The following PDE8B variants were observed in gnomAD, a reference collection of about 807,000 sequenced individuals.
The protein encoded by PDE8B is phosphodiesterase 8B, also known as high affinity cAMP-specific and IBMX-insensitive 3',5'-cyclic phosphodiesterase 8B.
PDE8B carries 26 observed loss-of-function variants against 101.3 expected under a neutral mutation model. That is an observed-to-expected ratio of 0.26 (90% CI 0.19 to 0.36). The LOEUF (loss-of-function observed/expected upper bound fraction) is 0.36. PDE8B is among the 10% of genes least tolerant of loss of function. The probability of loss-of-function intolerance (pLI) is 1.00; values close to 1 mark genes in which losing one functional copy is unlikely to be tolerated. For missense variants in PDE8B, 810 were observed against 1,163.1 expected (o/e 0.70, Z 4.42); for synonymous variants, 424 against 429.3 (o/e 0.99, Z 0.15).
chr5:77,165,822 A>G, the PDE8B span, among the ~76,000 whole-genome samples: 1 of 152,082 alleles, frequency 6.6e-6, no homozygotes, highest in African/African-American at 2.4e-5. Flanking sequence ...CCTGGCCAAC[A>G]TGGCAAAATC....
the PDE8B span, among the ~76,000 whole-genome samples, chr5:77,163,491 T>C: frequency 6.6e-6 from 1 of 152,224 alleles, no homozygotes; most frequent in Non-Finnish European, 1.5e-5. Context: ...TGAAAATCCT[T>C]TGGTGATAGT....
chr5:77,422,015 A>G (rs1222154911), intron 20 of PDE8B, 27 bp downstream of exon 20: 1 of 1,605,236 alleles, frequency 6.2e-7, no homozygotes, highest in Admixed American at 1.7e-5. Flanking sequence ...GGGAAGCTCC[A>G]CTTCCCCTCT....
the PDE8B span, among the ~76,000 whole-genome samples, chr5:77,197,291 T>G: frequency 6.6e-6 from 1 of 151,494 alleles, no homozygotes; most frequent in Non-Finnish European, 1.5e-5. Context: ...TAAATTTTTT[T>G]TTTTTAGTAG....
chr5:77,222,637 C>G (rs537982456), intron 1 of PDE8B, among the ~76,000 whole-genome samples: 10 of 152,250 alleles, frequency 6.6e-5, no homozygotes, highest in Admixed American at 3.3e-4. Flanking sequence ...ATTGTTTGTG[C>G]CCTATATTGT....
chr5:77,130,073 A>G, the PDE8B span, among the ~76,000 whole-genome samples: 1 of 152,172 alleles, frequency 6.6e-6, no homozygotes, highest in Non-Finnish European at 1.5e-5. Context: ...TGCTGATCAG[A>G]ACCTATATAG....
intron 10 of PDE8B, among the ~76,000 whole-genome samples, chr5:77,367,267 T>C (rs1301582205): frequency 1.3e-5 from 2 of 152,146 alleles, no homozygotes; most frequent in East Asian, 1.9e-4. Flanking sequence ...TCACAGCTGC[T>C]GAAGGTGAGC....
At chr5:77,145,607 A>C in the PDE8B span, 1 of 152,204 alleles carries the variant, frequency 6.6e-6, no homozygotes, top group Non-Finnish European at 1.5e-5. Flanking sequence ...TAATTGAGTT[A>C]TCTTTCAACC....
chr5:77,409,103 C>T (rs1292521377), intron 14 of PDE8B, 46 bp downstream of exon 14: 1 of 1,533,000 alleles, frequency 6.5e-7, no homozygotes. Context: ...GTATCCGGGG[C>T]CTCTAGAGTG....
intron 10 of PDE8B, among the ~76,000 whole-genome samples, chr5:77,367,618 A>C (rs1784388493): frequency 7.2e-6 from 1 of 139,036 alleles, no homozygotes; most frequent in African/African-American, 2.7e-5. Context: ...GCAACCTCCG[A>C]CTCCCGGGTT....
chr5:77,348,835 A>T (rs926458777), intron 7 of PDE8B, among the ~76,000 whole-genome samples: 5 of 152,076 alleles, frequency 3.3e-5, no homozygotes, highest in African/African-American at 1.2e-4. Flanking sequence ...GGTGTGTGCC[A>T]CAACAACTGG....
rs964452725 is a variant in PDE8B at position 77,347,600 on chromosome 5, C to T, written c.877-1819C>T. On this transcript the variant is annotated intron_variant, in intron 7 of 21. Transcript: ENST00000264917. The stretch of plus-strand genomic sequence containing the variant: ...GTATCCAAAGATCAATTCAAAATAG[C>T]CTTTGCCCTTGAGGAGTTGAATGTC... 8.5e-5 allele frequency among the ~76,000 whole-genome samples: 13 copies of T among 152,132 alleles called. No individual in the cohort carries two copies. In the East Asian group the frequency reaches 9.6e-4, roughly 11 times the overall value.
At chr5:77,170,009 G>A in the PDE8B span, among the ~76,000 whole-genome samples, 1 of 152,170 alleles carries the variant, frequency 6.6e-6, no homozygotes. Flanking sequence ...GTGCTGAGGT[G>A]CTATCCTGCA....
chr5:77,215,120 T>C (rs562882781), intron 1 of PDE8B, among the ~76,000 whole-genome samples: 1 of 152,174 alleles, frequency 6.6e-6, no homozygotes, highest in South Asian at 2.1e-4. Context: ...CTAAAAAGTC[T>C]GTAAGTGAGG....
At chr5:77,422,272 C>T (rs868179736) in intron 20 of PDE8B, among the ~76,000 whole-genome samples, 2 of 152,088 alleles carry the variant, frequency 1.3e-5, no homozygotes, top group Non-Finnish European at 2.9e-5. Flanking sequence ...GCACAAAAAC[C>T]GAGAAATCTT....
the PDE8B span, among the ~76,000 whole-genome samples, chr5:77,135,562 C>T: frequency 2.0e-5 from 3 of 151,002 alleles, no homozygotes; most frequent in South Asian, 4.2e-4. Flanking sequence ...TTGCAGCCTC[C>T]GCCTCCAGAG....
intron 1 of PDE8B, among the ~76,000 whole-genome samples, chr5:77,297,436 C>T (rs1250719241): frequency 4.6e-5 from 7 of 152,090 alleles, no homozygotes; most frequent in Non-Finnish European, 7.4e-5. Context: ...ACACACTGGG[C>T]CCACCCCTAG....
chr5:77,302,707 A>G (rs1387987556), intron 1 of PDE8B, among the ~76,000 whole-genome samples: 2 of 152,236 alleles, frequency 1.3e-5, no homozygotes, highest in East Asian at 3.8e-4. Context: ...AAATACACAA[A>G]TAAGAGCATG....
At chr5:77,140,253 C>T in the PDE8B span, 1 of 152,060 alleles carries the variant, frequency 6.6e-6, no homozygotes, top group Non-Finnish European at 1.5e-5. Flanking sequence ...TTTTTTAAAC[C>T]TATAGCCCAA....
chr5:77,367,977 G>T (rs1459967288), intron 10 of PDE8B, among the ~76,000 whole-genome samples: 2 of 152,232 alleles, frequency 1.3e-5, no homozygotes, highest in East Asian at 1.9e-4. Context: ...GCATGTGATT[G>T]TCAGGGCCAA....
Sources: gnomAD v4.1 joint callset for allele counts (sites outside exome capture counted in the v4.1 genomes callset) on GRCh38, gnomAD v4.1.1 for gene constraint, MANE v1.5 for transcripts, NCBI Gene and HGNC (gene_info 2026-07-23, HGNC 2026-07-21) for gene names.